Variants in RAVER2 observed in about 807,000 individuals in gnomAD.
The protein encoded by RAVER2 is ribonucleoprotein PTB-binding 2.
Under a neutral mutation model 78.1 loss-of-function variants are expected in RAVER2, and 46 were observed. The observed-to-expected ratio is 0.59, with a 90% CI of 0.46 to 0.75. The LOEUF (loss-of-function observed/expected upper bound fraction) is 0.75. Among genes scored for constraint, RAVER2 ranks in the 30% least tolerant of loss-of-function variants. RAVER2 has a pLI of 0.00. For missense variants in RAVER2, 793 were observed against 837.5 expected (o/e 0.95, Z 0.66); for synonymous variants, 311 against 313.3 (o/e 0.99, Z 0.08).
intron 5 of RAVER2, among the ~76,000 whole-genome samples, chr1:64,793,680 T>C (rs1653009926): frequency 6.6e-6 from 1 of 152,208 alleles, no homozygotes. Flanking sequence ...AATAGACGTA[T>C]AAATTACCCC....
chr1:64,754,538 C>CT (rs923927198), intron 1 of RAVER2, among the ~76,000 whole-genome samples: 1 of 152,152 alleles, frequency 6.6e-6, no homozygotes, highest in Non-Finnish European at 1.5e-5. Flanking sequence ...ACTCTGTTAG[C>CT]TTTTTTGGCA....
At chr1:64,785,140 G>A (rs1171072870) in intron 4 of RAVER2, among the ~76,000 whole-genome samples, 2 of 152,146 alleles carry the variant, frequency 1.3e-5, no homozygotes, top group African/African-American at 4.8e-5. Flanking sequence ...AGAAATCTCA[G>A]TCTTAAAAAT....
chr1:64,809,774 C>G (rs1458171454), intron 9 of RAVER2, among the ~76,000 whole-genome samples: 2 of 152,162 alleles, frequency 1.3e-5, no homozygotes, highest in East Asian at 1.9e-4. Flanking sequence ...TCTTCTCCCA[C>G]TAGCCCAGGT....
At chr1:64,750,022 A>G (rs183766829) in intron 1 of RAVER2, among the ~76,000 whole-genome samples, 3 of 152,290 alleles carry the variant, frequency 2.0e-5, no homozygotes, top group Admixed American at 1.3e-4. Flanking sequence ...CTCTTGTGAA[A>G]TTAGAAGACA....
At chr1:64,784,535 T>A (rs1181721455) in intron 4 of RAVER2, among the ~76,000 whole-genome samples, 2 of 152,188 alleles carry the variant, frequency 1.3e-5, no homozygotes, top group Non-Finnish European at 2.9e-5. Context: ...CTCATTTTCT[T>A]CCTGTTATAT....
In RAVER2 at chr1:64,766,534, A is replaced by G. The variant is rs535527512; in HGVS notation, c.250-2122A>G. ...AAACTCTGTATCCCACATCTGATACATAGAAGAGCTATGAGTAGAGATATG... is the reference window on the plus strand; with the variant it reads ...AAACTCTGTATCCCACATCTGATACGTAGAAGAGCTATGAGTAGAGATATG... On this transcript the variant is annotated intron_variant, in intron 1 of 11. Coordinates refer to ENST00000294428, the Ensembl canonical transcript of RAVER2. Among the ~76,000 whole-genome samples, 3 of 152,334 alleles carry G rather than the reference A, an allele frequency of 2.0e-5. No individual in the cohort carries two copies. In the East Asian group the frequency reaches 5.8e-4, roughly 29 times the overall value.
intron 5 of RAVER2, 54 bp from the exon 6 acceptor site, chr1:64,802,922 A>T (rs1653308342): frequency 1.5e-6 from 2 of 1,298,664 alleles, no homozygotes; most frequent in Non-Finnish European, 1.1e-6. Context: ...CTTGGTTTTT[A>T]AAAATTTTTA....
chr1:64,816,648 A>G (rs1234635081), intron 11 of RAVER2: 1 of 152,214 alleles, frequency 6.6e-6, no homozygotes, highest in Non-Finnish European at 1.5e-5. Context: ...TTTGTGACAT[A>G]AGTGATTACT....
chr1:64,771,488 T>TA (rs765400069), intron 2 of RAVER2, among the ~76,000 whole-genome samples: 42 of 152,136 alleles, frequency 2.8e-4, no homozygotes, highest in Non-Finnish European at 4.7e-4. Context: ...AAATGATGAA[T>TA]ACGTGATATG....
At chr1:64,793,353 A>G (rs1458613592) in intron 5 of RAVER2, among the ~76,000 whole-genome samples, 3 of 152,190 alleles carry the variant, frequency 2.0e-5, no homozygotes, top group South Asian at 2.1e-4. Context: ...CTATTAGATT[A>G]ATTTCCCTCC....
At position 64,824,830 on chromosome 1, in the gene RAVER2, C is replaced by G. The variant is rs188471586; in HGVS notation, c.1930-6009C>G. ...CTTGTAATCCCAAATACTCAGGAGG[C>G]TGAGGCAGGAGAATCGCTTGAGCCC... On this transcript the variant is annotated intron_variant, in intron 11 of 11. Coordinates refer to ENST00000294428, the Ensembl canonical transcript of RAVER2. Among the ~76,000 whole-genome samples, 461 of 148,820 alleles carry G rather than the reference C, an allele frequency of 3.1e-3. 1 individual carries two copies. Among genetic ancestry groups the G allele is most frequent in the African/African-American group, 0.011 (431 of 40,134 alleles).
chr1:64,822,691 T>C (rs1449529692), intron 11 of RAVER2, among the ~76,000 whole-genome samples: 4 of 152,290 alleles, frequency 2.6e-5, no homozygotes, highest in Admixed American at 6.5e-5. Flanking sequence ...CCTAGGTGTA[T>C]CCAAGAGAAT....
chr1:64,754,725 A>C (rs977244648), intron 1 of RAVER2, among the ~76,000 whole-genome samples: 1 of 152,152 alleles, frequency 6.6e-6, no homozygotes, highest in Non-Finnish European at 1.5e-5. Context: ...TCATTAGGGG[A>C]TTGTAGACCC....
chr1:64,823,128 G>A (rs1316954890), intron 11 of RAVER2, among the ~76,000 whole-genome samples: 2 of 152,148 alleles, frequency 1.3e-5, no homozygotes, highest in Non-Finnish European at 2.9e-5. Context: ...TCGTAAGTTG[G>A]TGAACCTTGT....
rs142939792 is a variant in RAVER2 at position 64,758,669 on chromosome 1, A to T, written c.250-9987A>T. The stretch of plus-strand genomic sequence containing the variant: ...TCTGCTAACTACCTTAGTGAGTGGA[A>T]ATGTATTCTTCCTTAGGGTCTCCAT... On this transcript the variant is annotated intron_variant, in intron 1 of 11. Transcript: ENST00000294428. Among the ~76,000 whole-genome samples the T allele has an allele frequency of 4.8e-3, 728 of 152,292 alleles. 3 individuals carry two copies. Among genetic ancestry groups the T allele is most frequent in the African/African-American group, 0.017 (699 of 41,552 alleles).
chr1:64,811,558 A>G (rs1653607049), intron 9 of RAVER2, among the ~76,000 whole-genome samples: 1 of 152,240 alleles, frequency 6.6e-6, no homozygotes. Flanking sequence ...TTTCAGACAG[A>G]TCCATATTGT....
chr1:64,785,816 T>G (rs1405088398), intron 4 of RAVER2, among the ~76,000 whole-genome samples: 1 of 152,158 alleles, frequency 6.6e-6, no homozygotes, highest in African/African-American at 2.4e-5. Flanking sequence ...TAAATGTTTT[T>G]GGGGTGTTTT....
At chr1:64,828,665 TA>T (rs1654054558) in intron 11 of RAVER2, among the ~76,000 whole-genome samples, 2 of 151,916 alleles carry the variant, frequency 1.3e-5, no homozygotes, top group East Asian at 1.9e-4. Flanking sequence ...TTTTTTTTTT[TA>T]AGGTTTAAAT....
intron 11 of RAVER2, among the ~76,000 whole-genome samples, chr1:64,816,792 A>G (rs926120657): frequency 1.7e-4 from 26 of 152,262 alleles, no homozygotes; most frequent in Admixed American, 2.6e-4. Flanking sequence ...ACCTAAAACC[A>G]TAAAAACCTT....
Sources: allele counts gnomAD v4.1 joint callset (sites outside exome capture counted in the v4.1 genomes callset), GRCh38; gene constraint gnomAD v4.1.1; transcripts MANE v1.5; gene names NCBI Gene and HGNC (gene_info 2026-07-23, HGNC 2026-07-21).